The following PARVA variants were observed in gnomAD, a reference collection of about 807,000 sequenced individuals.
The protein encoded by PARVA is alpha-parvin.
PARVA carries 25 observed loss-of-function variants against 52.6 expected under a neutral mutation model. The ratio of observed to expected loss-of-function variants is 0.48; its 90% confidence interval spans 0.35 to 0.66. The LOEUF (loss-of-function observed/expected upper bound fraction) is 0.66, where lower values mean the gene tolerates loss of function less well. Ranked by LOEUF, PARVA falls within the 30% of genes least tolerant of loss-of-function variation. The probability of loss-of-function intolerance (pLI) is 0.01; values close to 1 mark genes in which losing one functional copy is unlikely to be tolerated. For synonymous variants in PARVA, 185 were observed against 179.1 expected (o/e 1.03, Z -0.26); for missense variants, 373 against 450.9 (o/e 0.83, Z 1.56).
intron 7 of PARVA, among the ~76,000 whole-genome samples, chr11:12,509,932 C>T (rs571711075): frequency 2.0e-5 from 3 of 152,240 alleles, no homozygotes; most frequent in African/African-American, 4.8e-5. Flanking sequence ...GGAAAGAAGA[C>T]GACAGAGCAG....
In PARVA at chr11:12,524,200, G is replaced by T. The variant is rs1174473890; in HGVS notation, c.1043-3649G>T. On this transcript the variant is annotated intron_variant, in intron 12 of 12. Coordinates refer to ENST00000334956, the MANE Select transcript of PARVA (RefSeq NM_018222.5). Reference sequence around the variant, plus strand: ...GCAGCTCTGCTAATGGGCAAAGATGGGAAAACAGAAAGAAAACTACCATTT... The same window carrying T: ...GCAGCTCTGCTAATGGGCAAAGATGTGAAAACAGAAAGAAAACTACCATTT... Among the ~76,000 whole-genome samples the T allele has an allele frequency of 2.6e-5, 4 of 152,130 alleles. No homozygotes were observed. The South Asian group carries it at 8.3e-4, about 32-fold the overall frequency.
intron 1 of PARVA, among the ~76,000 whole-genome samples, chr11:12,392,484 G>A (rs963266169): frequency 7.2e-5 from 11 of 151,992 alleles, no homozygotes; most frequent in African/African-American, 1.2e-4. Context: ...GGCCAGGCTC[G>A]TCTCGAACTC....
At chr11:12,425,513 CCT>C (rs1379297030) in intron 1 of PARVA, among the ~76,000 whole-genome samples, 2 of 152,168 alleles carry the variant, frequency 1.3e-5, no homozygotes, top group African/African-American at 4.8e-5. Flanking sequence ...CAGAGAATGC[CCT>C]TTTTCTTTTC....
intron 1 of PARVA, among the ~76,000 whole-genome samples, chr11:12,439,863 T>G (rs988465105): frequency 2.0e-5 from 3 of 152,226 alleles, no homozygotes; most frequent in Non-Finnish European, 4.4e-5. Flanking sequence ...GCTCCTTCAC[T>G]CCAGCCTCTG....
At chr11:12,414,793 G>C (rs1433721791) in intron 1 of PARVA, among the ~76,000 whole-genome samples, 1 of 152,182 alleles carries the variant, frequency 6.6e-6, no homozygotes. Flanking sequence ...TAGTTGCGTG[G>C]AGCCATCTGC....
chr11:12,531,114 G>A lies in PARVA; in HGVS notation c.*3189G>A, dbSNP rs143208507. 2.8e-3 allele frequency among the ~76,000 whole-genome samples: 429 copies of A among 152,230 alleles called. 1 individual carries two copies. Among genetic ancestry groups the A allele is most frequent in the African/African-American group, 9.5e-3 (396 of 41,536 alleles). ...AAGCATCACAAAGGTTACTACATAC[G>A]CTATAATACTGTACTATAAAGTCTA... On this transcript the variant is annotated 3_prime_UTR_variant, in exon 13 of 13. Coordinates refer to ENST00000334956, the MANE Select transcript of PARVA (RefSeq NM_018222.5).
chr11:12,501,500 G>A (rs74493968), intron 5 of PARVA, among the ~76,000 whole-genome samples: 293 of 152,188 alleles, frequency 1.9e-3, no homozygotes, highest in African/African-American at 6.8e-3. Context: ...AGAAGTCATG[G>A]GTAGGCTGCA....
intron 1 of PARVA, among the ~76,000 whole-genome samples, chr11:12,420,792 TG>T (rs1311066923): frequency 1.3e-5 from 2 of 152,132 alleles, no homozygotes; most frequent in Non-Finnish European, 2.9e-5. Flanking sequence ...AATTTATAGA[TG>T]AAAAAGATGA....
At chr11:12,504,234 T>C (rs542132015) in intron 5 of PARVA, 80 bp from the exon 6 acceptor site, 356 of 759,582 alleles carry the variant, frequency 4.7e-4, no homozygotes, top group Non-Finnish European at 6.8e-4. Context: ...AGTGGGGTAC[T>C]ACTACACTTT....
intron 1 of PARVA, among the ~76,000 whole-genome samples, chr11:12,410,225 G>T (rs1238990125): frequency 6.6e-6 from 1 of 152,338 alleles, no homozygotes; most frequent in South Asian, 2.1e-4. Flanking sequence ...CAGGGATCAG[G>T]TTTGCCTTGT....
rs976582134 is a variant in PARVA, at chr11:12,513,286, C to T, written c.737-13C>T. ...AGCTCTTGTGCTCCACATTGTGTTTCCCTCTTTTTCAGAACGTGATGCCTT... is the reference window on the plus strand; with the variant it reads ...AGCTCTTGTGCTCCACATTGTGTTTTCCTCTTTTTCAGAACGTGATGCCTT... On this transcript the variant is annotated splice_polypyrimidine_tract_variant and intron_variant, in intron 8 of 12. Transcript: ENST00000334956. 3 of 1,613,034 alleles carry T rather than the reference C, an allele frequency of 1.9e-6. No homozygotes were observed. The highest frequency in any genetic ancestry group is 2.5e-6 in the Non-Finnish European group (3 of 1,179,074).
intron 1 of PARVA, among the ~76,000 whole-genome samples, chr11:12,464,326 T>A (rs1940826187): frequency 6.6e-6 from 1 of 152,224 alleles, no homozygotes; most frequent in Admixed American, 6.5e-5. Context: ...ACATGGACCA[T>A]TCTAGCTTTC....
chr11:12,493,307 G>A (rs1941255769), intron 4 of PARVA, among the ~76,000 whole-genome samples: 2 of 149,338 alleles, frequency 1.3e-5, no homozygotes, highest in Non-Finnish European at 3.0e-5. Flanking sequence ...AGTAAGCTGA[G>A]ATTGTGCCAC....
At chr11:12,468,243 G>A (rs1278888960) in intron 1 of PARVA, among the ~76,000 whole-genome samples, 1 of 152,152 alleles carries the variant, frequency 6.6e-6, no homozygotes, top group Non-Finnish European at 1.5e-5. Context: ...GCAGACTGAG[G>A]CAGGCCTACG....
At chr11:12,387,895 G>T (rs1476366767) in intron 1 of PARVA, among the ~76,000 whole-genome samples, 1 of 152,136 alleles carries the variant, frequency 6.6e-6, no homozygotes. Context: ...AGGTAAAAGA[G>T]CCCAATAGCA....
intron 1 of PARVA, among the ~76,000 whole-genome samples, chr11:12,396,450 G>A (rs1041179358): frequency 2.0e-5 from 3 of 152,216 alleles, no homozygotes; most frequent in Admixed American, 6.5e-5. Context: ...GAAGCAAAGT[G>A]CCTGGTCCTA....
chr11:12,486,429 A>C (rs1207886413), intron 4 of PARVA, among the ~76,000 whole-genome samples: 1 of 152,164 alleles, frequency 6.6e-6, no homozygotes, highest in East Asian at 1.9e-4. Context: ...GCTACTTGGG[A>C]GGCTGAGGCA....
chr11:12,461,381 C>G (rs1940777979), intron 1 of PARVA, among the ~76,000 whole-genome samples: 2 of 152,192 alleles, frequency 1.3e-5, no homozygotes, highest in Non-Finnish European at 2.9e-5. Flanking sequence ...CACACAGATG[C>G]ACACCCACGC....
intron 1 of PARVA, among the ~76,000 whole-genome samples, chr11:12,439,941 C>T (rs1376950055): frequency 6.6e-6 from 1 of 152,228 alleles, no homozygotes; most frequent in East Asian, 1.9e-4. Context: ...TATAGCACTT[C>T]CTGGTTCTCT....
Sources: gnomAD v4.1 joint callset for allele counts (sites outside exome capture counted in the v4.1 genomes callset) on GRCh38, gnomAD v4.1.1 for gene constraint, MANE v1.5 for transcripts, NCBI Gene and HGNC (gene_info 2026-07-23, HGNC 2026-07-21) for gene names.